Variants in KIFAP3 observed in about 807,000 individuals in gnomAD.
The protein encoded by KIFAP3 is kinesin-associated protein 3.
A neutral mutation model predicts 106.5 loss-of-function variants in KIFAP3; 68 were observed. That is an observed-to-expected ratio of 0.64 (90% CI 0.53 to 0.78). The LOEUF is 0.78. Ranked by LOEUF, KIFAP3 falls within the 30% of genes least tolerant of loss-of-function variation. The pLI is 0.00. For synonymous variants in KIFAP3, 320 were observed against 311.5 expected, an observed-to-expected ratio of 1.03 and a Z score of -0.29; for missense variants, 780 against 941.8, an observed-to-expected ratio of 0.83 and a Z score of 2.25.
At chr1:170,070,768 T>A (rs1671670285) in intron 1 of KIFAP3, among the ~76,000 whole-genome samples, 1 of 152,192 alleles carries the variant, frequency 6.6e-6, no homozygotes, top group Non-Finnish European at 1.5e-5. Flanking sequence ...AGCAGTGGTT[T>A]CTTAAATAAC....
chr1:169,946,907 TTATAC>T (rs1664469091), intron 19 of KIFAP3, among the ~76,000 whole-genome samples: 2 of 151,210 alleles, frequency 1.3e-5, no homozygotes, highest in Admixed American at 6.6e-5. Flanking sequence ...ATCAAGACTC[TTATAC>T]TATAAAAATT....
chr1:170,014,706 T>G (rs72715936), intron 10 of KIFAP3, among the ~76,000 whole-genome samples: 30,457 of 152,088 alleles, frequency 0.2, 4,060 homozygotes, highest in Non-Finnish European at 0.3. Context: ...TTTAAAAAAA[T>G]TACCTGGTTT....
chr1:170,003,936 G>C (rs1667799756), intron 10 of KIFAP3, among the ~76,000 whole-genome samples: 1 of 152,116 alleles, frequency 6.6e-6, no homozygotes, highest in Non-Finnish European at 1.5e-5. Flanking sequence ...GTTTGCAGAT[G>C]ACATGATTGT....
chr1:170,051,093 A>C (rs1242923925), intron 2 of KIFAP3, among the ~76,000 whole-genome samples: 1 of 151,988 alleles, frequency 6.6e-6, no homozygotes, highest in Admixed American at 6.6e-5. Context: ...TATTCAGGAG[A>C]CCTATCTCAC....
intron 10 of KIFAP3, among the ~76,000 whole-genome samples, chr1:169,995,049 T>C (rs1667300963): frequency 6.6e-6 from 1 of 152,086 alleles, no homozygotes; most frequent in South Asian, 2.1e-4. Context: ...TGCAGACAAA[T>C]AAATGTTCTT....
chr1:170,062,593 T>C (rs572880169), intron 1 of KIFAP3, among the ~76,000 whole-genome samples: 49 of 152,324 alleles, frequency 3.2e-4, no homozygotes, highest in Non-Finnish European at 6.0e-4. Flanking sequence ...TTGATTTATC[T>C]GTATATTATT....
At chr1:170,032,379 T>C (rs1359615070) in intron 7 of KIFAP3, among the ~76,000 whole-genome samples, 2 of 151,780 alleles carry the variant, frequency 1.3e-5, no homozygotes, top group Non-Finnish European at 3.0e-5. Flanking sequence ...GTGATTTAGT[T>C]ACTAAGAACA....
chr1:169,969,801 G>A (rs1008272846), intron 17 of KIFAP3, among the ~76,000 whole-genome samples: 10 of 152,102 alleles, frequency 6.6e-5, no homozygotes, highest in South Asian at 6.2e-4. Flanking sequence ...CTTCTGGAAT[G>A]CCAGTTCACA....
chr1:170,056,794 G>A (rs1233916160), intron 1 of KIFAP3, among the ~76,000 whole-genome samples: 1 of 152,046 alleles, frequency 6.6e-6, no homozygotes, highest in Non-Finnish European at 1.5e-5. Context: ...AGGAAATTAA[G>A]TACACTAAAG....
At chr1:169,929,233 G>C (rs1036339473) in intron 19 of KIFAP3, among the ~76,000 whole-genome samples, 3 of 152,078 alleles carry the variant, frequency 2.0e-5, no homozygotes, top group African/African-American at 7.2e-5. Flanking sequence ...GATAATTAAT[G>C]TCCAGTTTTA....
At chr1:170,029,536 T>C (rs1016914436) in intron 8 of KIFAP3, among the ~76,000 whole-genome samples, 1 of 151,850 alleles carries the variant, frequency 6.6e-6, no homozygotes, top group African/African-American at 2.4e-5. Flanking sequence ...GCACTAAATA[T>C]CTGTATTTGA....
chr1:170,078,123 A>T (rs1006847438), upstream of KIFAP3, among the ~76,000 whole-genome samples: 2 of 152,006 alleles, frequency 1.3e-5, no homozygotes, highest in Admixed American at 1.3e-4. Flanking sequence ...AAACCACCAA[A>T]CTGTTTTCCA....
intron 10 of KIFAP3, among the ~76,000 whole-genome samples, chr1:170,015,274 T>C (rs1229803743): frequency 6.6e-6 from 1 of 152,182 alleles, no homozygotes; most frequent in East Asian, 1.9e-4. Flanking sequence ...CTGTAAATTG[T>C]TTATCTTCAT....
chr1:169,975,014 GATTA>G (rs964110858), intron 16 of KIFAP3, among the ~76,000 whole-genome samples: 3 of 151,898 alleles, frequency 2.0e-5, no homozygotes, highest in African/African-American at 7.3e-5. Flanking sequence ...ATCCTTCCTA[GATTA>G]CTTACAATAC....
chr1:169,945,884 C>T (rs933434231), intron 19 of KIFAP3, among the ~76,000 whole-genome samples: 1 of 152,100 alleles, frequency 6.6e-6, no homozygotes, highest in African/African-American at 2.4e-5. Flanking sequence ...ATAAAATCTG[C>T]CCTTAAAGGT....
chr1:170,012,834 C>T (rs562494600), intron 10 of KIFAP3, among the ~76,000 whole-genome samples: 4 of 152,250 alleles, frequency 2.6e-5, no homozygotes, highest in African/African-American at 9.6e-5. Flanking sequence ...TACATGGTGG[C>T]AGACAAGAAG....
chr1:169,922,349 T>G (rs919866247), intron 19 of KIFAP3, among the ~76,000 whole-genome samples: 34 of 152,232 alleles, frequency 2.2e-4, no homozygotes, highest in African/African-American at 7.7e-4. Flanking sequence ...TCAGATTTGA[T>G]CTGCAAATCC....
At chr1:170,002,675 T>G (rs1667723233) in intron 10 of KIFAP3, among the ~76,000 whole-genome samples, 1 of 152,212 alleles carries the variant, frequency 6.6e-6, no homozygotes, top group Non-Finnish European at 1.5e-5. Context: ...AGGGTGGCTC[T>G]GCTGATTAAA....
At chr1:169,991,134 G>GT (rs1667078015) in intron 11 of KIFAP3, among the ~76,000 whole-genome samples, 1 of 152,014 alleles carries the variant, frequency 6.6e-6, no homozygotes. Context: ...GAAGCCAGGA[G>GT]TTTGAGACTA....
Sources: gnomAD v4.1 joint callset for allele counts (sites outside exome capture counted in the v4.1 genomes callset) on GRCh38, gnomAD v4.1.1 for gene constraint, MANE v1.5 for transcripts, NCBI Gene and HGNC (gene_info 2026-07-23, HGNC 2026-07-21) for gene names.